Variants in SEPTIN10 observed in about 807,000 individuals in gnomAD.
SEPTIN10 encodes the protein septin-10.
A neutral mutation model predicts 54.8 loss-of-function variants in SEPTIN10; 66 were observed. That is an observed-to-expected ratio of 1.21 (90% confidence interval 0.99 to 1.48). The LOEUF (loss-of-function observed/expected upper bound fraction) is 1.48, where lower values mean the gene tolerates loss of function less well. Among genes scored for constraint, SEPTIN10 ranks in the 40% most tolerant of loss-of-function variants. The pLI is 0.00. For synonymous variants in SEPTIN10, 161 were observed against 181.0 expected (o/e 0.89, Z 0.89); for missense variants, 620 against 545.6 (o/e 1.14, Z -1.36).
intron 8 of SEPTIN10, among the ~76,000 whole-genome samples, chr2:109,553,513 C>T (rs1224236160): frequency 6.7e-6 from 1 of 149,512 alleles, no homozygotes; most frequent in African/African-American, 2.5e-5. Context: ...CACTGCACTC[C>T]AGCCTGGGTG....
chr2:109,609,846 G>C (rs1054605939), intron 1 of SEPTIN10, among the ~76,000 whole-genome samples: 3 of 152,146 alleles, frequency 2.0e-5, no homozygotes, highest in Non-Finnish European at 4.4e-5. Flanking sequence ...AACTGAAGAA[G>C]TGGAAAATTA....
chr2:109,582,567 C>T (rs1023509451), intron 4 of SEPTIN10, among the ~76,000 whole-genome samples: 1 of 152,206 alleles, frequency 6.6e-6, no homozygotes, highest in African/African-American at 2.4e-5. Context: ...GCGATCCTCT[C>T]TCCTTGACCT....
intron 1 of SEPTIN10, chr2:109,594,904 T>C (rs1573773842): frequency 6.6e-6 from 1 of 152,172 alleles, no homozygotes; most frequent in African/African-American, 2.4e-5. Flanking sequence ...TTTTTTTTTT[T>C]TGAGACAGAG....
chr2:109,547,096 A>G (rs1010580229), intron 9 of SEPTIN10, among the ~76,000 whole-genome samples: 2 of 152,220 alleles, frequency 1.3e-5, no homozygotes, highest in South Asian at 2.1e-4. Flanking sequence ...ACCACCAAAG[A>G]CAACTTCAGA....
At chr2:109,612,421 T>C (rs1161555504) in intron 1 of SEPTIN10, among the ~76,000 whole-genome samples, 1 of 152,210 alleles carries the variant, frequency 6.6e-6, no homozygotes. Context: ...GGTTGTGATA[T>C]CGTACTATGG....
intron 1 of SEPTIN10, among the ~76,000 whole-genome samples, chr2:109,610,262 G>T (rs1048616469): frequency 6.6e-6 from 1 of 152,058 alleles, no homozygotes; most frequent in African/African-American, 2.4e-5. Flanking sequence ...CTAATTTCCT[G>T]TATTTTTAGC....
chr2:109,564,320 C>G (rs1001800436), intron 8 of SEPTIN10, 46 bp downstream of exon 8: 1 of 1,444,282 alleles, frequency 6.9e-7, no homozygotes. Context: ...ATATGCAATC[C>G]TCTCTAACTT....
chr2:109,601,993 G>C (rs181010487), intron 1 of SEPTIN10, among the ~76,000 whole-genome samples: 1 of 152,272 alleles, frequency 6.6e-6, no homozygotes, highest in Admixed American at 6.5e-5. Flanking sequence ...GAATAGACTA[G>C]TGAGGCAGAT....
At chr2:109,580,474 CA>C (rs145910948) in intron 4 of SEPTIN10, among the ~76,000 whole-genome samples, 5,872 of 150,910 alleles carry the variant, frequency 0.039, 401 homozygotes, top group African/African-American at 0.14. Context: ...ACCAAATAAA[CA>C]AAAAAACCAC....
chr2:109,548,962 A>G (rs1305898111), intron 9 of SEPTIN10, among the ~76,000 whole-genome samples: 1 of 152,192 alleles, frequency 6.6e-6, no homozygotes, highest in Non-Finnish European at 1.5e-5. Context: ...CAAGGGAAAC[A>G]AGGTTAAAAC....
chr2:109,549,732 GT>G (rs988845333), intron 9 of SEPTIN10, among the ~76,000 whole-genome samples: 2 of 152,120 alleles, frequency 1.3e-5, no homozygotes, highest in Non-Finnish European at 2.9e-5. Flanking sequence ...CATACCCTAT[GT>G]TTTTTCCTAT....
intron 1 of SEPTIN10, among the ~76,000 whole-genome samples, chr2:109,606,484 C>T (rs1294253134): frequency 2.0e-5 from 3 of 152,060 alleles, no homozygotes; most frequent in Non-Finnish European, 2.9e-5. Context: ...TGCACTTCAG[C>T]ATCTGGTAGC....
intron 1 of SEPTIN10, among the ~76,000 whole-genome samples, chr2:109,595,406 T>C (rs781036198): frequency 6.6e-6 from 1 of 152,138 alleles, no homozygotes; most frequent in Non-Finnish European, 1.5e-5. Context: ...TAACTACACA[T>C]ATACTTCACT....
chr2:109,582,860 T>G (rs1164764543), intron 4 of SEPTIN10, among the ~76,000 whole-genome samples: 2 of 151,996 alleles, frequency 1.3e-5, no homozygotes, highest in Admixed American at 1.3e-4. Context: ...ACAGAGAACC[T>G]AGAAATAAAG....
chr2:109,578,489 G>A (rs1690256539), intron 4 of SEPTIN10, among the ~76,000 whole-genome samples: 1 of 152,182 alleles, frequency 6.6e-6, no homozygotes, highest in Non-Finnish European at 1.5e-5. Flanking sequence ...TGTTGGCCAG[G>A]CATGGCAGGC....
intron 8 of SEPTIN10, among the ~76,000 whole-genome samples, chr2:109,563,494 C>T (rs56402128): frequency 0.46 from 69,285 of 151,980 alleles, 16,252 homozygotes; most frequent in African/African-American, 0.56. Flanking sequence ...AAGGATCTCA[C>T]GCTTTCCTGC....
At chr2:109,584,788 G>C (rs778529418) in intron 4 of SEPTIN10, among the ~76,000 whole-genome samples, 7 of 152,136 alleles carry the variant, frequency 4.6e-5, no homozygotes, top group Middle Eastern at 3.4e-3. Context: ...TATATGTCTT[G>C]TATTTTTTTT....
chr2:109,570,333 A>T (rs2105329933), intron 5 of SEPTIN10, among the ~76,000 whole-genome samples: 1 of 152,328 alleles, frequency 6.6e-6, no homozygotes, highest in South Asian at 2.1e-4. Flanking sequence ...GTCAAAAGGT[A>T]ATATTGTAAT....
chr2:109,608,759 A>G (rs1024430569), intron 1 of SEPTIN10, among the ~76,000 whole-genome samples: 3 of 152,246 alleles, frequency 2.0e-5, no homozygotes, highest in African/African-American at 7.2e-5. Context: ...AATCAGTAGT[A>G]GATACAAATC....
Sources: allele counts gnomAD v4.1 joint callset (sites outside exome capture counted in the v4.1 genomes callset), GRCh38; gene constraint gnomAD v4.1.1; transcripts MANE v1.5; gene names NCBI Gene and HGNC (gene_info 2026-07-23, HGNC 2026-07-21).